The following MNAT1 variants were observed in gnomAD, a reference collection of about 807,000 sequenced individuals.
MNAT1 encodes MNAT1 component of CDK activating kinase, also known as CDK-activating kinase assembly factor MAT1.
Under a neutral mutation model 42.0 loss-of-function variants are expected in MNAT1, and 43 were observed. The ratio of observed to expected loss-of-function variants is 1.02; its 90% confidence interval spans 0.80 to 1.32. The LOEUF is 1.32. Ranked by LOEUF, MNAT1 falls within the 40% of genes most tolerant of loss-of-function variation. MNAT1 has a pLI of 0.00. For synonymous variants in MNAT1, 118 were observed against 120.0 expected, an observed-to-expected ratio of 0.98 and a Z score of 0.11; for missense variants, 306 against 350.4, an observed-to-expected ratio of 0.87 and a Z score of 1.01.
intron 1 of MNAT1, 52 bp from the exon 2 acceptor site, chr14:60,796,165 T>G: frequency 6.5e-7 from 1 of 1,538,332 alleles, no homozygotes; most frequent in Non-Finnish European, 8.8e-7. Flanking sequence ...TTCAGATGTG[T>G]TGTAGATTTG....
At chr14:60,896,860 T>TA (rs918336419) in intron 7 of MNAT1, among the ~76,000 whole-genome samples, 144 of 148,112 alleles carry the variant, frequency 9.7e-4, no homozygotes, top group South Asian at 2.1e-3. Context: ...ATTATGGAAA[T>TA]AAAAAAAAAA....
At chr14:60,881,266 C>T (rs1340519415) in intron 7 of MNAT1, among the ~76,000 whole-genome samples, 2 of 151,968 alleles carry the variant, frequency 1.3e-5, no homozygotes, top group Non-Finnish European at 2.9e-5. Context: ...CTCACTGCAA[C>T]CTCTGCCTCC....
chr14:60,942,173 G>C (rs556864106), intron 7 of MNAT1, among the ~76,000 whole-genome samples: 1 of 152,160 alleles, frequency 6.6e-6, no homozygotes, highest in South Asian at 2.1e-4. Context: ...AGTTTTTTCT[G>C]ATATAAATGA....
In MNAT1 at chr14:60,869,148, C is replaced by T. The variant is rs1306173632; in HGVS notation, c.688-10566C>T. On this transcript the variant is annotated intron_variant, in intron 6 of 7. Transcript: ENST00000261245. ...CCACCTCCCGGGTTCAAGCAATTCT[C>T]CTGCCTGAGTAATTGGGACTACAGG... Among the ~76,000 whole-genome samples the T allele has an allele frequency of 2.0e-5, 3 of 149,322 alleles. No homozygotes were observed. In the South Asian group the frequency reaches 6.3e-4, roughly 32 times the overall value.
At chr14:60,890,813 C>T (rs1313435054) in intron 7 of MNAT1, among the ~76,000 whole-genome samples, 1 of 152,202 alleles carries the variant, frequency 6.6e-6, no homozygotes, top group Non-Finnish European at 1.5e-5. Context: ...AGGTGGTGCC[C>T]ACCCAGATTG....
At chr14:60,889,440 A>T (rs906615658) in intron 7 of MNAT1, among the ~76,000 whole-genome samples, 23 of 152,192 alleles carry the variant, frequency 1.5e-4, no homozygotes, top group African/African-American at 4.3e-4. Context: ...CACCTTATAC[A>T]AAAATTAATT....
At chr14:60,889,126 G>A (rs2034765635) in intron 7 of MNAT1, among the ~76,000 whole-genome samples, 1 of 152,072 alleles carries the variant, frequency 6.6e-6, no homozygotes. Context: ...AACCAAAAAA[G>A]AGCCCGCATC....
chr14:60,878,689 T>C (rs763284059), intron 6 of MNAT1, among the ~76,000 whole-genome samples: 2 of 152,158 alleles, frequency 1.3e-5, no homozygotes, highest in Non-Finnish European at 2.9e-5. Context: ...CTATGACCTT[T>C]ACTTGTAACC....
chr14:60,951,466 C>A (rs1220674886), intron 7 of MNAT1, among the ~76,000 whole-genome samples: 6 of 151,664 alleles, frequency 4.0e-5, no homozygotes, highest in African/African-American at 1.5e-4. Flanking sequence ...TTTGTGTTTT[C>A]CTCACATATG....
chr14:60,907,803 A>AG (rs2035241563), intron 7 of MNAT1, among the ~76,000 whole-genome samples: 1 of 151,448 alleles, frequency 6.6e-6, no homozygotes, highest in African/African-American at 2.4e-5. Context: ...AAAAAAAAAA[A>AG]AAGTTGCTAG....
intron 3 of MNAT1, among the ~76,000 whole-genome samples, chr14:60,803,623 T>A (rs994099834): frequency 2.6e-5 from 4 of 152,114 alleles, no homozygotes; most frequent in Non-Finnish European, 5.9e-5. Context: ...GGGGCCATAT[T>A]TTGAAGGATA....
chr14:60,918,112 A>G (rs964511021), intron 7 of MNAT1, among the ~76,000 whole-genome samples: 2 of 148,720 alleles, frequency 1.3e-5, no homozygotes, highest in African/African-American at 4.9e-5. Context: ...AAAGAGGACC[A>G]CCATCTTTTT....
At chr14:60,748,120 C>T (rs2029910901) in intron 1 of MNAT1, among the ~76,000 whole-genome samples, 1 of 151,990 alleles carries the variant, frequency 6.6e-6, no homozygotes, top group African/African-American at 2.4e-5. Flanking sequence ...TCCCTTGAAC[C>T]TGGGAGGCAG....
chr14:60,900,264 AG>A (rs2035047503), intron 7 of MNAT1, among the ~76,000 whole-genome samples: 1 of 152,338 alleles, frequency 6.6e-6, no homozygotes, highest in Admixed American at 6.5e-5. Flanking sequence ...AATAGGCAAA[AG>A]CTAGACCTCT....
chr14:60,818,448 C>T (rs926003801), intron 5 of MNAT1, among the ~76,000 whole-genome samples: 3 of 151,562 alleles, frequency 2.0e-5, no homozygotes, highest in Admixed American at 2.0e-4. Context: ...TTATTTTTTT[C>T]GTTTTAATAA....
chr14:60,826,307 A>ATTTTT (rs60838198), intron 6 of MNAT1, among the ~76,000 whole-genome samples: 31 of 119,772 alleles, frequency 2.6e-4, no homozygotes, highest in East Asian at 9.5e-4. Context: ...AATAGGAGAA[A>ATTTTT]TTTTTTTTTT....
At chr14:60,765,360 T>A (rs1362005469) in intron 1 of MNAT1, among the ~76,000 whole-genome samples, 2 of 151,860 alleles carry the variant, frequency 1.3e-5, no homozygotes, top group Non-Finnish European at 2.9e-5. Flanking sequence ...CATCACACAC[T>A]GGGGCCTGTC....
intron 6 of MNAT1, among the ~76,000 whole-genome samples, chr14:60,877,327 C>T (rs2034455613): frequency 6.6e-6 from 1 of 152,004 alleles, no homozygotes; most frequent in Non-Finnish European, 1.5e-5. Context: ...CCTATTACAA[C>T]GTGCCTGTAA....
chr14:60,961,846 A>G (rs1377632325), intron 7 of MNAT1, among the ~76,000 whole-genome samples: 4 of 152,180 alleles, frequency 2.6e-5, no homozygotes, highest in Non-Finnish European at 5.9e-5. Context: ...TAAAGATATG[A>G]TGAAAATTCT....
Sources: gnomAD v4.1 joint callset for allele counts (sites outside exome capture counted in the v4.1 genomes callset) on GRCh38, gnomAD v4.1.1 for gene constraint, MANE v1.5 for transcripts, NCBI Gene and HGNC (gene_info 2026-07-23, HGNC 2026-07-21) for gene names.